The following GFOD1 variants were observed in gnomAD, a reference collection of about 807,000 sequenced individuals.
GFOD1 encodes the protein glucose-fructose oxidoreductase domain-containing protein 1.
GFOD1 carries 9 observed loss-of-function variants against 25.4 expected under a neutral mutation model. That is an observed-to-expected ratio of 0.35 (90% CI 0.21 to 0.62). The LOEUF (loss-of-function observed/expected upper bound fraction) is 0.62. Among genes scored for constraint, GFOD1 ranks in the 20% least tolerant of loss-of-function variants. GFOD1 has a pLI of 0.72. For missense variants in GFOD1, 403 were observed against 556.9 expected, an observed-to-expected ratio of 0.72 and a Z score of 2.78; for synonymous variants, 253 against 245.6, an observed-to-expected ratio of 1.03 and a Z score of -0.28.
At position 13,360,709 on chromosome 6, in the gene GFOD1, C is replaced by T. The variant is rs769525026; in HGVS notation, c.*4034G>A. The T allele has an allele frequency of 1.5e-5, 7 of 456,662 alleles. No homozygotes were observed. The highest frequency in any genetic ancestry group is 2.6e-5 in the Non-Finnish European group (6 of 226,990). 28.3% of individuals were successfully genotyped at this position (456,662 alleles called of 1,614,324 possible). On this transcript the variant is annotated 3_prime_UTR_variant, in exon 2 of 2. Transcript: ENST00000379287. ...GCAGCTCTACAGCCTCCTGGCAGAA[C>T]ATCAGATGTTGCATCCTGCTGAACA...
chr6:13,395,342 A>G (rs500293), intron 1 of GFOD1, among the ~76,000 whole-genome samples: 92,031 of 152,122 alleles, frequency 0.6, 30,118 homozygotes, highest in Non-Finnish European at 0.73. Context: ...TGGCATGGCC[A>G]TCTCCCAAGA....
At chr6:13,412,508 T>A (rs1271249209) in intron 1 of GFOD1, among the ~76,000 whole-genome samples, 2 of 152,228 alleles carry the variant, frequency 1.3e-5, no homozygotes, top group East Asian at 3.8e-4. Context: ...AAAGGTTGAC[T>A]GGTATTTTTA....
At chr6:13,431,882 TTTGA>T (rs1397045368) in intron 1 of GFOD1, among the ~76,000 whole-genome samples, 1 of 152,250 alleles carries the variant, frequency 6.6e-6, no homozygotes, top group Non-Finnish European at 1.5e-5. Context: ...GGCAGAAATA[TTTGA>T]TTGTTCAGAG....
intron 1 of GFOD1, among the ~76,000 whole-genome samples, chr6:13,386,181 C>T (rs1785470648): frequency 7.8e-6 from 1 of 127,616 alleles, no homozygotes; most frequent in African/African-American, 2.6e-5. Context: ...CCTGCCTCCG[C>T]TTCCCAAATT....
intron 1 of GFOD1, among the ~76,000 whole-genome samples, chr6:13,458,447 C>T (rs1316023816): frequency 6.6e-6 from 1 of 151,994 alleles, no homozygotes; most frequent in Non-Finnish European, 1.5e-5. Context: ...ATACTATTTC[C>T]AAACCCCTTT....
chr6:13,467,781 C>G (rs944709713), intron 1 of GFOD1, among the ~76,000 whole-genome samples: 2 of 152,120 alleles, frequency 1.3e-5, no homozygotes, highest in African/African-American at 4.8e-5. Flanking sequence ...AATAAATTAC[C>G]CTGCAGCCAA....
rs866827802 is a variant in GFOD1, at chr6:13,459,701, A to G, written c.253+26937T>C. Among the ~76,000 whole-genome samples, 10 of 152,374 alleles carry G rather than the reference A, an allele frequency of 6.6e-5. No homozygotes were observed. The Middle Eastern group carries it at 0.017, about 259-fold the overall frequency. The stretch of plus-strand genomic sequence containing the variant: ...AAAAGTAGGCAAAGGACATAAACAG[A>G]CACTTCTCAAAAGAGGACATTTATG... On this transcript the variant is annotated intron_variant, in intron 1 of 1. Transcript: ENST00000379287.
intron 1 of GFOD1, among the ~76,000 whole-genome samples, chr6:13,390,796 G>GAAGGAAGGAAGGAAGA (rs745924861): frequency 0.014 from 2,085 of 149,758 alleles, 36 homozygotes; most frequent in Non-Finnish European, 0.02. Context: ...AGGAAGGAAG[G>GAAGGAAGGAAGGAAGA]AAGGAAGGAA....
chr6:13,385,091 T>C (rs910544078), intron 1 of GFOD1, among the ~76,000 whole-genome samples: 7 of 152,018 alleles, frequency 4.6e-5, no homozygotes, highest in African/African-American at 1.7e-4. Context: ...ACAATGAGAG[T>C]TGCAGGCCTG....
intron 1 of GFOD1, among the ~76,000 whole-genome samples, chr6:13,476,712 T>C (rs959425152): frequency 2.6e-5 from 4 of 152,246 alleles, no homozygotes; most frequent in African/African-American, 9.6e-5. Context: ...AGAAGCATCT[T>C]AATACTCTAA....
At chr6:13,458,334 T>C (rs1162563480) in intron 1 of GFOD1, among the ~76,000 whole-genome samples, 1 of 152,204 alleles carries the variant, frequency 6.6e-6, no homozygotes, top group Non-Finnish European at 1.5e-5. Context: ...GCCAGGCTTG[T>C]CTTGAACTCC....
At chr6:13,482,268 A>G (rs1350280933) in intron 1 of GFOD1, among the ~76,000 whole-genome samples, 1 of 148,610 alleles carries the variant, frequency 6.7e-6, no homozygotes, top group African/African-American at 2.4e-5. Context: ...ATTAATATTT[A>G]TATTGCTTAA....
At chr6:13,447,168 G>T (rs375261965) in intron 1 of GFOD1, among the ~76,000 whole-genome samples, 253 of 152,320 alleles carry the variant, frequency 1.7e-3, no homozygotes, top group African/African-American at 5.8e-3. Context: ...AGATCTAGAG[G>T]CTGAAATCTG....
intron 1 of GFOD1, among the ~76,000 whole-genome samples, chr6:13,479,002 A>T (rs749651313): frequency 1.6e-4 from 24 of 151,678 alleles, no homozygotes; most frequent in Non-Finnish European, 2.5e-4. Context: ...GCTGTGAAGC[A>T]CGTACTGGAT....
intron 1 of GFOD1, among the ~76,000 whole-genome samples, chr6:13,475,268 G>A (rs1179853707): frequency 6.6e-6 from 1 of 152,128 alleles, no homozygotes; most frequent in East Asian, 1.9e-4. Flanking sequence ...CAACTATAAT[G>A]GCTATGATCA....
intron 1 of GFOD1, among the ~76,000 whole-genome samples, chr6:13,411,610 T>C (rs1786080011): frequency 6.6e-6 from 1 of 152,120 alleles, no homozygotes; most frequent in South Asian, 2.1e-4. Context: ...CCCATTTTCA[T>C]CCAGCTGTAC....
At chr6:13,474,289 G>C (rs1162372303) in intron 1 of GFOD1, among the ~76,000 whole-genome samples, 1 of 152,196 alleles carries the variant, frequency 6.6e-6, no homozygotes, top group Non-Finnish European at 1.5e-5. Flanking sequence ...TGAGGCAGGA[G>C]AATTGCTTGA....
chr6:13,455,911 A>G (rs181806750), intron 1 of GFOD1, among the ~76,000 whole-genome samples: 2 of 152,332 alleles, frequency 1.3e-5, no homozygotes, highest in African/African-American at 4.8e-5. Flanking sequence ...TCCAATAGAC[A>G]GGATGGGAGT....
rs1268663546 is a variant in GFOD1 at position 13,365,637 on chromosome 6, G to A, written c.279C>T (p.Asp93=). 1 of 1,597,674 alleles carries A rather than the reference G, an allele frequency of 6.3e-7. No homozygotes were observed. The highest frequency in any genetic ancestry group is 1.3e-5 in the African/African-American group (1 of 74,880). ...TLGIGKNVIC[D]RTATPLDAFR... is the part of the protein sequence containing the mutation. ...AAGCGTCCAGCGGCGTGGCCGTGCGGTCGCAGATGACGTTCTTGCCGATGC... is the reference window on the plus strand; with the variant it reads ...AAGCGTCCAGCGGCGTGGCCGTGCGATCGCAGATGACGTTCTTGCCGATGC... The change falls in exon 2 of 2, where the codon GAC becomes GAT. Residue 93 remains aspartate, a synonymous_variant. Transcript: ENST00000379287. The surrounding 1 kb of genome is among the most constrained non-coding windows in gnomAD (Gnocchi z 9.2).
Sources: allele counts gnomAD v4.1 joint callset (sites outside exome capture counted in the v4.1 genomes callset), GRCh38; gene constraint gnomAD v4.1.1; non-coding constraint Gnocchi (gnomAD v3.1); transcripts MANE v1.5; gene names NCBI Gene and HGNC (gene_info 2026-07-23, HGNC 2026-07-21).